ANKRD30B: variants seen among roughly 807,000 people sequenced by gnomAD.
ANKRD30B encodes the protein ankyrin repeat domain 30B, also known as ankyrin repeat domain-containing protein 30B.
In ANKRD30B, 144 loss-of-function variants were observed where a neutral mutation model predicts 202.2. That is an observed-to-expected ratio of 0.71 (90% confidence interval 0.62 to 0.82). The LOEUF (loss-of-function observed/expected upper bound fraction) is 0.82. ANKRD30B is among the 40% of genes least tolerant of loss of function. The pLI is 0.00. For missense variants in ANKRD30B, 1,487 were observed against 1,669.1 expected (o/e 0.89, Z 1.90); for synonymous variants, 508 against 561.3 (o/e 0.91, Z 1.34).
At chr18:14,852,543 C>T in intron 42 of ANKRD30B, 123 bp downstream of exon 42, 1 of 1,235,258 alleles carries the variant, frequency 8.1e-7, no homozygotes, top group Middle Eastern at 2.2e-4. Context: ...ACTATATCAG[C>T]TTAGAAACAT....
intron 26 of ANKRD30B, 44 bp downstream of exon 26, chr18:14,808,788 A>T: frequency 7.1e-7 from 1 of 1,409,890 alleles, no homozygotes; most frequent in Non-Finnish European, 9.5e-7. Flanking sequence ...TAAGAATATT[A>T]AACTATTTGA....
the ANKRD30B span, among the ~76,000 whole-genome samples, chr18:14,913,661 T>C: frequency 2.6e-5 from 4 of 152,222 alleles, no homozygotes; most frequent in Admixed American, 1.3e-4. Flanking sequence ...TGAGAACTAT[T>C]TGTATCAACA....
Position 14,854,226 on chromosome 18 carries a change from C to T in ANKRD30B, c.*68C>T. Reference sequence around the variant, plus strand: ...TAAAGTTTATTGTGAACATTTGCTTCTTTTTCCATTTTAAAGTTAAACAAG... The same window carrying T: ...TAAAGTTTATTGTGAACATTTGCTTTTTTTTCCATTTTAAAGTTAAACAAG... On this transcript the variant is annotated 3_prime_UTR_variant, in exon 44 of 44. Transcript: ENST00000690538. Among the ~76,000 whole-genome samples the T allele has an allele frequency of 6.6e-6, 1 of 150,620 alleles. No individual in the cohort carries two copies. The highest frequency in any genetic ancestry group is 1.5e-5 in the Non-Finnish European group (1 of 67,642).
the ANKRD30B span, among the ~76,000 whole-genome samples, chr18:14,936,931 C>T: frequency 6.6e-6 from 1 of 152,194 alleles, no homozygotes; most frequent in African/African-American, 2.4e-5. Flanking sequence ...ATGTTTTCTC[C>T]TCTTTGCACA....
At chr18:14,907,399 G>T in the ANKRD30B span, among the ~76,000 whole-genome samples, 1 of 152,180 alleles carries the variant, frequency 6.6e-6, no homozygotes, top group Admixed American at 6.5e-5. Flanking sequence ...TGTTGTGCCT[G>T]TGGAATAAGA....
the ANKRD30B span, among the ~76,000 whole-genome samples, chr18:14,898,642 T>TCTCTTTTACCTTTTATTGA: frequency 6.6e-6 from 1 of 152,164 alleles, no homozygotes; most frequent in Admixed American, 6.5e-5. Flanking sequence ...TACTGATGCC[T>TCTCTTTTACCTTTTATTGA]CTCTTTTACC....
chr18:14,932,041 C>T, the ANKRD30B span, among the ~76,000 whole-genome samples: 1 of 122,146 alleles, frequency 8.2e-6, no homozygotes, highest in Non-Finnish European at 1.8e-5. Context: ...CCCACCCCAC[C>T]TCCCTCCTGC....
the ANKRD30B span, among the ~76,000 whole-genome samples, chr18:14,892,742 CAAAAAAAAAA>C: frequency 2.7e-5 from 2 of 72,902 alleles, no homozygotes; most frequent in Non-Finnish European, 4.7e-5. Context: ...TCTGTTTCAC[CAAAAAAAAAA>C]AAAAAAAAAA....
the ANKRD30B span, among the ~76,000 whole-genome samples, chr18:14,866,485 G>C: frequency 1.3e-5 from 2 of 152,134 alleles, no homozygotes; most frequent in African/African-American, 4.8e-5. Context: ...GTGGCTGGCA[G>C]CTGGAGCTGC....
chr18:14,865,272 C>T, the ANKRD30B span, among the ~76,000 whole-genome samples: 1 of 151,868 alleles, frequency 6.6e-6, no homozygotes, highest in African/African-American at 2.4e-5. Flanking sequence ...CTCCATCTAC[C>T]TAAAAGCTTC....
At chr18:14,855,864 A>G (rs1281561441), downstream of ANKRD30B, among the ~76,000 whole-genome samples, 2 of 143,022 alleles carry the variant, frequency 1.4e-5, no homozygotes, top group Non-Finnish European at 3.0e-5. Flanking sequence ...CGTCGCGGCC[A>G]GGCAGAGGTG....
chr18:14,795,126 G>C (rs1395631896), intron 16 of ANKRD30B, among the ~76,000 whole-genome samples: 1 of 152,172 alleles, frequency 6.6e-6, no homozygotes, highest in Non-Finnish European at 1.5e-5. Flanking sequence ...CTCTAACATT[G>C]AAATATGCAG....
intron 9 of ANKRD30B, among the ~76,000 whole-genome samples, chr18:14,774,204 A>T (rs1967206479): frequency 6.6e-6 from 1 of 152,128 alleles, no homozygotes; most frequent in South Asian, 2.1e-4. Context: ...TTGTAGTGTA[A>T]ATACTGATCA....
At chr18:14,846,987 T>TTGCTC (rs201183148) in intron 39 of ANKRD30B, among the ~76,000 whole-genome samples, 3 of 144,232 alleles carry the variant, frequency 2.1e-5, no homozygotes, top group Non-Finnish European at 4.5e-5. Context: ...CAGATCTTCT[T>TTGCTC]TGCTCTGTTT....
In ANKRD30B at chr18:14,784,554, C is replaced by T; in HGVS notation, c.1672+19C>T. The T allele has an allele frequency of 6.2e-7, 1 of 1,602,756 alleles. No homozygotes were observed. Among genetic ancestry groups the T allele is most frequent in the South Asian group, 1.1e-5 (1 of 90,762 alleles). ...AGAGCAGGTAAATTTTTCAATTTAA[C>T]TATGCAAAGATGAATAGTTCAATAT... On this transcript the variant is annotated intron_variant, in intron 14 of 43. Coordinates refer to ENST00000690538, the MANE Select transcript of ANKRD30B (RefSeq NM_001367607.2).
intron 12 of ANKRD30B, 97 bp from the exon 13 acceptor site, chr18:14,784,239 C>G: frequency 7.9e-7 from 1 of 1,260,774 alleles, no homozygotes; most frequent in Non-Finnish European, 1.1e-6. Flanking sequence ...TTCTCAAAGT[C>G]AACCAAGAGG....
chr18:14,798,106 T>A (rs919996102), intron 20 of ANKRD30B, among the ~76,000 whole-genome samples: 1 of 152,174 alleles, frequency 6.6e-6, no homozygotes, highest in Non-Finnish European at 1.5e-5. Context: ...GGCCTTGTCT[T>A]TGTTCCCAGG....
chr18:14,818,277 A>G (rs1970220536), intron 30 of ANKRD30B, among the ~76,000 whole-genome samples: 1 of 152,196 alleles, frequency 6.6e-6, no homozygotes, highest in African/African-American at 2.4e-5. Context: ...CCATTATTCT[A>G]ACATTGAAAT....
chr18:14,902,839 A>G, the ANKRD30B span, among the ~76,000 whole-genome samples: 1 of 152,202 alleles, frequency 6.6e-6, no homozygotes, highest in African/African-American at 2.4e-5. Context: ...TAAAATAAGT[A>G]ATGGGGATAC....
Sources: gnomAD v4.1 joint callset for allele counts (sites outside exome capture counted in the v4.1 genomes callset) on GRCh38, gnomAD v4.1.1 for gene constraint, MANE v1.5 for transcripts, NCBI Gene and HGNC (gene_info 2026-07-23, HGNC 2026-07-21) for gene names.